AKNA: variants seen among roughly 807,000 people sequenced by gnomAD.
AKNA encodes the protein microtubule organization protein AKNA.
A neutral mutation model predicts 138.8 loss-of-function variants in AKNA; 67 were observed. That is an observed-to-expected ratio of 0.48 (90% confidence interval 0.40 to 0.59). AKNA has a LOEUF of 0.59. Among genes scored for constraint, AKNA ranks in the 20% least tolerant of loss-of-function variants. The probability of loss-of-function intolerance (pLI) is 0.00; values close to 1 mark genes in which losing one functional copy is unlikely to be tolerated. For synonymous variants in AKNA, 737 were observed against 754.4 expected (o/e 0.98, Z 0.38); for missense variants, 1,813 against 1,880.4 (o/e 0.96, Z 0.66).
At chr9:114,395,577 G>A (rs1038622795), upstream of AKNA, among the ~76,000 whole-genome samples, 4 of 151,816 alleles carry the variant, frequency 2.6e-5, no homozygotes, top group Admixed American at 2.0e-4. Flanking sequence ...CTCATAAAGG[G>A]TTTCTTCCCA....
chr9:114,358,395 C>A, intron 11 of AKNA: 1 of 546,514 alleles, frequency 1.8e-6, no homozygotes, highest in South Asian at 2.3e-5. Flanking sequence ...ACAAAACCCA[C>A]CCAACACCAA....
chr9:114,332,147 G>A (rs576595840), downstream of AKNA, among the ~76,000 whole-genome samples: 1 of 151,954 alleles, frequency 6.6e-6, no homozygotes. Context: ...AACCAGGGAG[G>A]ACCTGAAAGC....
downstream of AKNA, among the ~76,000 whole-genome samples, chr9:114,331,180 T>C (rs1829844233): frequency 6.6e-6 from 1 of 152,040 alleles, no homozygotes; most frequent in African/African-American, 2.4e-5. Context: ...AAACCAATGG[T>C]AGAAGCCTGT....
At chr9:114,387,068 C>T (rs893355023) in intron 1 of AKNA, among the ~76,000 whole-genome samples, 2 of 152,184 alleles carry the variant, frequency 1.3e-5, no homozygotes, top group Admixed American at 6.5e-5. Context: ...GGATTCAAAG[C>T]TGGGGTACCG....
At position 114,342,041 on chromosome 9, in the gene AKNA, G is replaced by A. The variant is rs756674381; in HGVS notation, c.3842C>T (p.Pro1281Leu). 6 of 1,613,984 alleles carry A rather than the reference G, an allele frequency of 3.7e-6. No individual in the cohort carries two copies. The Admixed American group carries it at 5.0e-5, about 13-fold the overall frequency. ...GGCTGAGCCTGGACCATCTGCCTCT[G>A]GGGGAGACCCAACTTGACCACACAG... Reference protein sequence around the residue: ...CPLCGQVGSPPEADGPGSATS... With the variant: ...CPLCGQVGSPLEADGPGSATS... Residue 1281 changes from proline to leucine, a missense_variant, in exon 20 of 22, where the codon CCA (proline) becomes CTA (leucine). Pro to Leu is a moderately conservative substitution (Grantham distance 98). Transcript: ENST00000374088.
chr9:114,388,405 C>A (rs1278667242), upstream of AKNA, among the ~76,000 whole-genome samples: 7 of 152,186 alleles, frequency 4.6e-5, no homozygotes, highest in African/African-American at 1.4e-4. Flanking sequence ...CCCATGTGCA[C>A]GGTGAGAGCT....
chr9:114,331,146 C>CTA (rs1829843758), downstream of AKNA, among the ~76,000 whole-genome samples: 1 of 152,094 alleles, frequency 6.6e-6, no homozygotes, highest in African/African-American at 2.4e-5. Flanking sequence ...GCCTCTCTCT[C>CTA]ACGCCCTCTT....
chr9:114,385,927 T>G (rs1446118870), intron 1 of AKNA, among the ~76,000 whole-genome samples: 1 of 152,230 alleles, frequency 6.6e-6, no homozygotes, highest in East Asian at 1.9e-4. Flanking sequence ...TCACTGTGTA[T>G]AGCTGGGCTT....
chr9:114,377,802 T>G lies in AKNA; in HGVS notation c.275-270A>C, dbSNP rs4979372. ...GCAGACGGCAACACCATCCCCTCTA[T>G]GCATACAGGCCAGAAGGCTGGGAGG... On this transcript the variant is annotated intron_variant, in intron 2 of 21. Transcript: ENST00000374088. Among the ~76,000 whole-genome samples, 246 of 152,090 alleles carry G rather than the reference T, an allele frequency of 1.6e-3. 4 individuals carry two copies. Among genetic ancestry groups the G allele is most frequent in the East Asian group, 0.013 (69 of 5,156 alleles).
At chr9:114,392,140 G>C (rs952070362), upstream of AKNA, among the ~76,000 whole-genome samples, 3 of 151,638 alleles carry the variant, frequency 2.0e-5, no homozygotes, top group Non-Finnish European at 4.4e-5. Flanking sequence ...GGGAGTCTGA[G>C]GGAAAGAGGA....
intron 2 of AKNA, 54 bp downstream of exon 2, chr9:114,381,006 G>A (rs779928000): frequency 3.2e-5 from 41 of 1,273,638 alleles, no homozygotes; most frequent in East Asian, 2.3e-4. Context: ...AAAAAAGAAC[G>A]TGTGATGTTT....
Position 114,358,011 on chromosome 9 carries a change from G to C in AKNA, c.2649C>G (p.His883Gln). ...CCTCCAGGCTGGTCATACTACTTTGGTGGGATGCTGCGGACTTGGTGCCTG... is the reference window on the plus strand; with the variant it reads ...CCTCCAGGCTGGTCATACTACTTTGCTGGGATGCTGCGGACTTGGTGCCTG... ...HPPGTKSAAS[H>Q]QSSMTSLEGS... Residue 883 changes from histidine to glutamine, a missense_variant, in exon 12 of 22, where the codon CAC becomes CAG. By Grantham distance (24) the His-to-Gln change is conservative (BLOSUM62 0). Coordinates refer to ENST00000374088, the MANE Select transcript of AKNA (RefSeq NM_001317950.2). 1 of 1,610,274 alleles carries C rather than the reference G, an allele frequency of 6.2e-7. No individual in the cohort carries two copies. Among genetic ancestry groups the C allele is most frequent in the African/African-American group, 1.3e-5 (1 of 74,950 alleles).
intron 12 of AKNA, among the ~76,000 whole-genome samples, chr9:114,357,596 A>G (rs1831593738): frequency 6.6e-6 from 1 of 152,178 alleles, no homozygotes; most frequent in African/African-American, 2.4e-5. Flanking sequence ...TCACATTTCC[A>G]TAGTGGCCTG....
intron 6 of AKNA, among the ~76,000 whole-genome samples, chr9:114,365,624 A>G (rs980084361): frequency 2.6e-5 from 4 of 151,650 alleles, no homozygotes; most frequent in Non-Finnish European, 5.9e-5. Context: ...CACCATCTAT[A>G]ATTTTCTCAT....
At chr9:114,382,063 G>A (rs374018242) in intron 1 of AKNA, among the ~76,000 whole-genome samples, 6 of 152,306 alleles carry the variant, frequency 3.9e-5, no homozygotes, top group African/African-American at 1.4e-4. Flanking sequence ...CTGGCTCTTC[G>A]TGTGGGCATG....
intron 1 of AKNA, among the ~76,000 whole-genome samples, chr9:114,386,428 T>C (rs73656097): frequency 1.1e-3 from 162 of 152,288 alleles, no homozygotes; most frequent in African/African-American, 3.6e-3. Context: ...TGGCCTGACC[T>C]TGAAGGAGAG....
intron 1 of AKNA, among the ~76,000 whole-genome samples, chr9:114,384,815 G>A (rs1004533346): frequency 8.5e-5 from 13 of 152,102 alleles, no homozygotes; most frequent in African/African-American, 2.7e-4. Context: ...ATTTTTGACT[G>A]CATGAGGCAC....
intron 19 of AKNA, among the ~76,000 whole-genome samples, chr9:114,342,394 T>C (rs1408454106): frequency 6.6e-6 from 1 of 152,162 alleles, no homozygotes; most frequent in East Asian, 1.9e-4. Context: ...TCCCCCACTT[T>C]ACAGATGGGG....
At position 114,374,145 on chromosome 9, in the gene AKNA, G is replaced by A; in HGVS notation, c.1364C>T (p.Thr455Ile). ...QLQEDYHRLL[T>I]KYAEAENTID... ...GGTGTTCTCGGCCTCAGCGTACTTG[G>A]TGAGGAGCCTGTGGTAGTCTTCCTG... The change falls in exon 4 of 22, where the codon ACC (threonine) becomes ATC (isoleucine). Residue 455 changes from threonine to isoleucine, a missense_variant. Coordinates refer to ENST00000374088, the MANE Select transcript of AKNA (RefSeq NM_001317950.2). 1.3e-6 allele frequency: 2 copies of A among 1,558,876 alleles called. No individual in the cohort carries two copies. The highest frequency in any genetic ancestry group is 1.7e-6 in the Non-Finnish European group (2 of 1,150,794).
Sources: gnomAD v4.1 joint callset for allele counts (sites outside exome capture counted in the v4.1 genomes callset) on GRCh38, gnomAD v4.1.1 for gene constraint, MANE v1.5 for transcripts, NCBI Gene and HGNC (gene_info 2026-07-23, HGNC 2026-07-21) for gene names.